The following CDHR1 variants were observed in gnomAD, a reference collection of about 807,000 sequenced individuals.
CDHR1 encodes the protein cadherin-related family member 1.
In CDHR1, 61 loss-of-function variants were observed where a neutral mutation model predicts 72.1. The ratio of observed to expected loss-of-function variants is 0.85; its 90% CI spans 0.69 to 1.05. The LOEUF is 1.05. Ranked by LOEUF, CDHR1 falls within the 50% of genes least tolerant of loss-of-function variation. The pLI is 0.00. For missense variants in CDHR1, 1,186 were observed against 1,115.7 expected (o/e 1.06, Z -0.90); for synonymous variants, 470 against 448.1 (o/e 1.05, Z -0.62).
At position 84,194,560 on chromosome 10, in the gene CDHR1, C is replaced by T. The variant is rs1329502647; in HGVS notation, c.-201C>T. 3 of 459,128 alleles carry T rather than the reference C, an allele frequency of 6.5e-6. No individual in the cohort carries two copies. Among genetic ancestry groups the T allele is most frequent in the South Asian group, 4.1e-5 (1 of 24,242 alleles). 28.4% of individuals were successfully genotyped at this position (459,128 alleles called of 1,614,324 possible). On this transcript the variant is annotated 5_prime_UTR_variant, in exon 1 of 17. Transcript: ENST00000623527. Reference sequence around the variant, plus strand: ...CCGCTAATTGGTCTCGTCAGGCGGCCGGCAGGAGCAGATCCGAGCCGTGTC... The same window carrying T: ...CCGCTAATTGGTCTCGTCAGGCGGCTGGCAGGAGCAGATCCGAGCCGTGTC...
At chr10:84,203,173 C>T in intron 8 of CDHR1, 50 bp downstream of exon 8, 1 of 1,611,978 alleles carries the variant, frequency 6.2e-7, no homozygotes, top group Non-Finnish European at 8.5e-7. Context: ...GCCTCCTGCC[C>T]TGACCCTTGT....
At position 84,214,144 on chromosome 10, in the gene CDHR1, C is replaced by T. The variant is rs757519703; in HGVS notation, c.2103C>T (p.Ala701=). The T allele has an allele frequency of 2.6e-5, 42 of 1,614,162 alleles. No individual in the cohort carries two copies. The African/African-American group carries it at 4.5e-4, about 17-fold the overall frequency. The change falls in exon 17 of 17, where the codon GCC becomes GCT. Residue 701 remains alanine, a synonymous_variant. Coordinates refer to ENST00000623527, the MANE Select transcript of CDHR1 (RefSeq NM_033100.4). Reference sequence around the variant, plus strand: ...AGACCAAGGACAACCCCATGAAGGCCGTGGGTGTGCTGGCCGGCACCATGG... The same window carrying T: ...AGACCAAGGACAACCCCATGAAGGCTGTGGGTGTGCTGGCCGGCACCATGG... ...LIQTKDNPMK[A]VGVLAGTMAT...
At chr10:84,205,767 G>T in intron 9 of CDHR1, 60 bp from the exon 10 acceptor site, 7 of 1,159,656 alleles carry the variant, frequency 6.0e-6, no homozygotes, top group Non-Finnish European at 9.1e-6. Context: ...CCTGTGGCAC[G>T]ACTCCCCTGC....
downstream of CDHR1, chr10:84,219,345 A>G: frequency 6.5e-7 from 1 of 1,535,402 alleles, no homozygotes; most frequent in Non-Finnish European, 8.8e-7. Context: ...TGTTTACAGA[A>G]GCAACTGAAT....
chr10:84,202,155 C>T (rs921071844), intron 7 of CDHR1, among the ~76,000 whole-genome samples: 2 of 152,168 alleles, frequency 1.3e-5, no homozygotes, highest in Non-Finnish European at 2.9e-5. Context: ...CAGGATCCCC[C>T]AGGTAAGACC....
At position 84,212,360 on chromosome 10, in the gene CDHR1, A is replaced by G; in HGVS notation, c.1735A>G (p.Ser579Gly). Residue 579 changes from serine to glycine, a missense_variant, in exon 15 of 17, where the codon AGC (serine) becomes GGC (glycine). Coordinates refer to ENST00000623527, the MANE Select transcript of CDHR1 (RefSeq NM_033100.4). Reference protein sequence around the residue: ...VNDHPPQFGKSVQKKTMVLGT... With the variant: ...VNDHPPQFGKGVQKKTMVLGT... ...TGACCACCCCCCTCAGTTTGGAAAG[A>G]GCGTTCAGAAGAAGACGATGGTGCT... 1 of 1,614,224 alleles carries G rather than the reference A, an allele frequency of 6.2e-7. No individual in the cohort carries two copies. Among genetic ancestry groups the G allele is most frequent in the Non-Finnish European group, 8.5e-7 (1 of 1,180,036 alleles).
Position 84,214,197 on chromosome 10 carries a change from T to C in CDHR1, c.2156T>C (p.Ile719Thr), listed in dbSNP as rs1478736619. The change falls in exon 17 of 17, where the codon ATC (isoleucine) becomes ACC (threonine). Residue 719 changes from isoleucine (I) to threonine (T), a missense_variant. By Grantham distance (89) the Ile-to-Thr change is moderately conservative. Coordinates refer to ENST00000623527, the MANE Select transcript of CDHR1 (RefSeq NM_033100.4). ...MATVVAITVL[I>T]STATFWRNKK... ...ACCGTCGTGGCCATCACTGTCCTCA[T>C]CTCCACCGCCACCTTCTGGCGCAAC... is the stretch of plus-strand genomic sequence containing the variant. 6.2e-6 allele frequency: 10 copies of C among 1,614,072 alleles called. No individual in the cohort carries two copies. The South Asian group carries it at 7.7e-5, about 12-fold the overall frequency.
intron 3 of CDHR1, 56 bp downstream of exon 3, chr10:84,196,706 G>A: frequency 1.2e-6 from 2 of 1,603,158 alleles, no homozygotes; most frequent in African/African-American, 1.3e-5. Context: ...AGACCTCGGT[G>A]GGCTGAAGTT....
At chr10:84,210,858 C>T in intron 12 of CDHR1, 143 bp from the exon 13 acceptor site, 9 of 891,782 alleles carry the variant, frequency 1.0e-5, no homozygotes, top group South Asian at 4.0e-5. Context: ...GTGACCCTTA[C>T]AGGAATAGCT....
At chr10:84,213,459 C>G in intron 16 of CDHR1, 111 bp downstream of exon 16, 1 of 1,427,642 alleles carries the variant, frequency 7.0e-7, no homozygotes, top group South Asian at 1.2e-5. Flanking sequence ...AAAAGACACT[C>G]AACGTTATCA....
Position 84,196,652 on chromosome 10 carries a change from TATGGGGAG to T in CDHR1, c.297+3_297+10del, listed in dbSNP as rs1194016111. 6.2e-7 allele frequency: 1 copy of T among 1,614,078 alleles called. No homozygotes were observed. ...CTGGTTGAAGAGCTGGACAGAGAGG[TATGGGGAG>T]GTGTGGGGAGTGCTGCGGGGCCACT... On this transcript the variant is annotated splice_donor_5th_base_variant and intron_variant, in intron 3 of 16. Transcript: ENST00000623527.
Position 84,201,938 on chromosome 10 carries a change from G to A in CDHR1, c.639+18G>A, listed in dbSNP as rs1028446487. 1 of 1,568,654 alleles carries A rather than the reference G, an allele frequency of 6.4e-7. No homozygotes were observed. The highest frequency in any genetic ancestry group is 8.7e-7 in the Non-Finnish European group (1 of 1,150,448). ...TCGCCAAGGTAACACAGCAGGACAG[G>A]GGAGCATCCAGTGTCTCCTCAGCCC... On this transcript the variant is annotated intron_variant, in intron 7 of 16. Transcript: ENST00000623527.
At chr10:84,205,663 G>A in intron 9 of CDHR1, 164 bp from the exon 10 acceptor site, 1 of 680,296 alleles carries the variant, frequency 1.5e-6, no homozygotes, top group Non-Finnish European at 2.7e-6. Context: ...CCTTAGACAA[G>A]TTACTTAGCC....
At position 84,197,846 on chromosome 10, in the gene CDHR1, C is replaced by T. The variant is rs756554786; in HGVS notation, c.348+10C>T. On this transcript the variant is annotated intron_variant, in intron 4 of 16. Coordinates refer to ENST00000623527, the MANE Select transcript of CDHR1 (RefSeq NM_033100.4). ...TGATGGCCTGAATCTGGTGAGTGCA[C>T]GTCCAAGGCAGTCCCTGGCAGCCTG... 67 of 1,612,410 alleles carry T rather than the reference C, an allele frequency of 4.2e-5. 1 individual carries two copies. Among genetic ancestry groups the T allele is most frequent in the South Asian group, 2.5e-4 (23 of 91,054 alleles).
chr10:84,208,033 A>T lies in CDHR1; in HGVS notation c.964-141A>T, dbSNP rs1242418782. On this transcript the variant is annotated intron_variant, in intron 10 of 16. Coordinates refer to ENST00000623527, the MANE Select transcript of CDHR1 (RefSeq NM_033100.4). ...GAAGTGATAGCTTGCCATCTTTGCC[A>T]TATATTATCAGTTAGAACCAAGTTG... is the stretch of plus-strand genomic sequence containing the variant. 9 of 730,466 alleles carry T rather than the reference A, an allele frequency of 1.2e-5. No homozygotes were observed. In the East Asian group the frequency reaches 2.4e-4, roughly 19 times the overall value. 45.2% of individuals were successfully genotyped at this position (730,466 alleles called of 1,614,324 possible). A position where few individuals can be genotyped will look rare whatever the true frequency, so the allele number is the denominator to read the frequency against.
At chr10:84,198,968 G>T (rs755315230) in intron 4 of CDHR1, 64 bp from the exon 5 acceptor site, 3 of 1,197,928 alleles carry the variant, frequency 2.5e-6, no homozygotes, top group East Asian at 2.5e-5. Flanking sequence ...GATAGAGGTC[G>T]CTATCCATTC....
In CDHR1 at chr10:84,197,767, C is replaced by T. The variant is rs374945865; in HGVS notation, c.298-19C>T. 9.7e-5 allele frequency: 156 copies of T among 1,611,692 alleles called. No homozygotes were observed. The highest frequency in any genetic ancestry group is 1.1e-4 in the Non-Finnish European group (134 of 1,177,980). On this transcript the variant is annotated intron_variant, in intron 3 of 16. Transcript: ENST00000623527. ...CGTGTCAGACTCCTGGACACTCACT[C>T]AGTCCCTGTGCTTCACAGAGGGAAG... is the stretch of plus-strand genomic sequence containing the variant.
chr10:84,219,542 C>T, downstream of CDHR1: 1 of 430,362 alleles, frequency 2.3e-6, no homozygotes. Context: ...GTGACACCCT[C>T]AAGATCCGTA....
chr10:84,214,868 G>C lies in CDHR1; in HGVS notation c.*247G>C, dbSNP rs1217274115. Reference sequence around the variant, plus strand: ...GGATGCAATTGGCAAATACGTCCCCGTTACTCAAATCCTTGGCACTACTAC... The same window carrying C: ...GGATGCAATTGGCAAATACGTCCCCCTTACTCAAATCCTTGGCACTACTAC... On this transcript the variant is annotated 3_prime_UTR_variant, in exon 17 of 17. Transcript: ENST00000623527. 1 of 1,443,004 alleles carries C rather than the reference G, an allele frequency of 6.9e-7. No individual in the cohort carries two copies. Among genetic ancestry groups the C allele is most frequent in the Non-Finnish European group, 9.0e-7 (1 of 1,105,766 alleles). 89.4% of individuals were successfully genotyped at this position (1,443,004 alleles called of 1,614,324 possible). A position where few individuals can be genotyped will look rare whatever the true frequency, so the allele number is the denominator to read the frequency against.
Sources: gnomAD v4.1 joint callset for allele counts (sites outside exome capture counted in the v4.1 genomes callset) on GRCh38, gnomAD v4.1.1 for gene constraint, MANE v1.5 for transcripts, NCBI Gene and HGNC (gene_info 2026-07-23, HGNC 2026-07-21) for gene names.